The following ARSB variants were observed in gnomAD, a reference collection of about 807,000 sequenced individuals.
ARSB encodes the protein arylsulfatase B.
ARSB carries 41 observed loss-of-function variants against 50.9 expected under a neutral mutation model. That is an observed-to-expected ratio of 0.81 (90% CI 0.63 to 1.04). The LOEUF (loss-of-function observed/expected upper bound fraction) is 1.04. Among genes scored for constraint, ARSB ranks in the 50% least tolerant of loss-of-function variants. ARSB has a pLI of 0.00. For synonymous variants in ARSB, 269 were observed against 284.8 expected (o/e 0.94, Z 0.56); for missense variants, 672 against 693.3 (o/e 0.97, Z 0.35).
rs576807448 is a variant in ARSB, at chr5:78,810,892, T to C, written c.1213+28464A>G. Among the ~76,000 whole-genome samples, 8 of 152,354 alleles carry C rather than the reference T, an allele frequency of 5.3e-5. No homozygotes were observed. The East Asian group carries it at 1.2e-3, about 22-fold the overall frequency. On this transcript the variant is annotated intron_variant, in intron 6 of 7. Coordinates refer to ENST00000264914, the MANE Select transcript of ARSB (RefSeq NM_000046.5). Reference sequence around the variant, plus strand: ...AATCTTTGACATAGTGTTGTTAACATAGTTAAACTGTTTTCTACACAGAAG... The same window carrying C: ...AATCTTTGACATAGTGTTGTTAACACAGTTAAACTGTTTTCTACACAGAAG...
rs750124518 is a variant in ARSB, at chr5:78,968,988, C to T, written c.499+18G>A. On this transcript the variant is annotated intron_variant, in intron 2 of 7. Coordinates refer to ENST00000264914, the MANE Select transcript of ARSB (RefSeq NM_000046.5). ...CAGTTAGTCTAAGTTGTTAAAGAAA[C>T]ATGTGCATTTCCATTACCAAAGTAG... 1 of 1,613,700 alleles carries T rather than the reference C, an allele frequency of 6.2e-7. No homozygotes were observed. Among genetic ancestry groups the T allele is most frequent in the South Asian group, 1.1e-5 (1 of 91,070 alleles).
Position 78,858,900 on chromosome 5 carries a change from A to T in ARSB, c.1143-19474T>A, listed in dbSNP as rs147565264. ...ACTAAATCCTCACATAGGTGTCTAC[A>T]GGATAGGTTGTTATTTGTTACATTT... On this transcript the variant is annotated intron_variant, in intron 5 of 7. Transcript: ENST00000264914. Among the ~76,000 whole-genome samples the T allele has an allele frequency of 2.6e-5, 4 of 152,228 alleles. No homozygotes were observed. The South Asian group carries it at 8.3e-4, about 31-fold the overall frequency.
At chr5:78,950,509 A>C (rs917526254) in intron 4 of ARSB, among the ~76,000 whole-genome samples, 4 of 152,202 alleles carry the variant, frequency 2.6e-5, no homozygotes, top group Admixed American at 6.5e-5. Context: ...ATAGGCAGGA[A>C]AAGAGAAGGT....
At chr5:78,852,285 G>A (rs1745843472) in intron 5 of ARSB, among the ~76,000 whole-genome samples, 1 of 152,164 alleles carries the variant, frequency 6.6e-6, no homozygotes, top group Non-Finnish European at 1.5e-5. Flanking sequence ...TTGCTTGTCT[G>A]TATAGTATTT....
At chr5:78,815,848 A>C in intron 6 of ARSB, 1 of 1,355,300 alleles carries the variant, frequency 7.4e-7, no homozygotes, top group Non-Finnish European at 9.5e-7. Flanking sequence ...ATATTTTGAA[A>C]TAATATAAGA....
intron 6 of ARSB, among the ~76,000 whole-genome samples, chr5:78,804,712 G>T (rs985775422): frequency 1.3e-4 from 20 of 152,214 alleles, no homozygotes; most frequent in African/African-American, 4.1e-4. Flanking sequence ...GGATAGCCTG[G>T]TAGGGACTGG....
At chr5:78,954,777 T>C (rs917961939) in intron 4 of ARSB, among the ~76,000 whole-genome samples, 1 of 152,226 alleles carries the variant, frequency 6.6e-6, no homozygotes, top group Admixed American at 6.5e-5. Flanking sequence ...AGTGCTGGGA[T>C]TACAGGCGTG....
At chr5:78,810,082 C>T (rs1743749455) in intron 6 of ARSB, among the ~76,000 whole-genome samples, 1 of 152,340 alleles carries the variant, frequency 6.6e-6, no homozygotes, top group Non-Finnish European at 1.5e-5. Context: ...CTCTGTTCTC[C>T]TAATCTCCAT....
intron 4 of ARSB, among the ~76,000 whole-genome samples, chr5:78,925,729 T>C (rs1057204367): frequency 6.6e-6 from 1 of 152,128 alleles, no homozygotes; most frequent in Non-Finnish European, 1.5e-5. Context: ...AAATGGAAAG[T>C]AAAAGATCTA....
In ARSB at chr5:78,910,380, T is replaced by C. The variant is rs547745636; in HGVS notation, c.899-24553A>G. Among the ~76,000 whole-genome samples, 44 of 152,350 alleles carry C rather than the reference T, an allele frequency of 2.9e-4. No homozygotes were observed. The South Asian group carries it at 5.4e-3, about 19-fold the overall frequency. On this transcript the variant is annotated intron_variant, in intron 4 of 7. Coordinates refer to ENST00000264914, the MANE Select transcript of ARSB (RefSeq NM_000046.5). ...CCCCCTTCATAAAGTAAGAAGAATG[T>C]CATCTGAAGGTCCAATAAAAATAAA...
chr5:78,860,905 C>T (rs1410917663), intron 5 of ARSB, among the ~76,000 whole-genome samples: 3 of 152,066 alleles, frequency 2.0e-5, no homozygotes, highest in Non-Finnish European at 4.4e-5. Context: ...ATCAAATAGA[C>T]ACAATAAAAA....
intron 4 of ARSB, among the ~76,000 whole-genome samples, chr5:78,919,828 A>T (rs1749717671): frequency 6.6e-6 from 1 of 152,164 alleles, no homozygotes; most frequent in Non-Finnish European, 1.5e-5. Flanking sequence ...ATAGATGAAG[A>T]AGTAAAGCGT....
At position 78,833,505 on chromosome 5, in the gene ARSB, A is replaced by G. The variant is rs574850942; in HGVS notation, c.1213+5851T>C. ...AATAAAAAGTCTCCTCAAAGCACAC[A>G]GGAAAGCAATTACATCCCACACTCT... On this transcript the variant is annotated intron_variant, in intron 6 of 7. Transcript: ENST00000264914. Among the ~76,000 whole-genome samples the G allele has an allele frequency of 6.6e-5, 10 of 152,356 alleles. No homozygotes were observed. The East Asian group carries it at 1.9e-3, about 29-fold the overall frequency.
In ARSB at chr5:78,777,813, C is replaced by CT; in HGVS notation, c.*2583dup. ...GCTGCAGTGAGCCGAGATCACACCA[C>CT]TGCACTCCAGCCTGGGTGACAGAGC... On this transcript the variant is annotated 3_prime_UTR_variant, in exon 8 of 8. Transcript: ENST00000264914. The CT allele has an allele frequency of 7.0e-6, 1 of 142,776 alleles. No individual in the cohort carries two copies. The highest frequency in any genetic ancestry group is 2.1e-4 in the East Asian group (1 of 4,874). 8.8% of individuals were successfully genotyped at this position (142,776 alleles called of 1,614,324 possible).
At chr5:78,852,522 A>G (rs1469424965) in intron 5 of ARSB, among the ~76,000 whole-genome samples, 1 of 152,040 alleles carries the variant, frequency 6.6e-6, no homozygotes, top group African/African-American at 2.4e-5. Context: ...GATGAATCTG[A>G]CAATTATGTG....
chr5:78,871,261 A>G (rs1014952435), intron 5 of ARSB, among the ~76,000 whole-genome samples: 3 of 152,170 alleles, frequency 2.0e-5, no homozygotes, highest in African/African-American at 7.2e-5. Flanking sequence ...TACAGGTTCA[A>G]TGCCAACCCC....
chr5:78,857,400 T>C (rs1360012640), intron 5 of ARSB, among the ~76,000 whole-genome samples: 1 of 152,234 alleles, frequency 6.6e-6, no homozygotes, highest in Non-Finnish European at 1.5e-5. Context: ...TTTTGGTAGA[T>C]GCTATAGTTT....
At chr5:78,951,812 G>A (rs545900711) in intron 4 of ARSB, among the ~76,000 whole-genome samples, 43 of 152,222 alleles carry the variant, frequency 2.8e-4, no homozygotes, top group African/African-American at 1.0e-3. Flanking sequence ...TAAACAGAAA[G>A]ATCTTTCCAA....
chr5:78,847,421 C>G (rs1241814698), intron 5 of ARSB, among the ~76,000 whole-genome samples: 2 of 152,168 alleles, frequency 1.3e-5, no homozygotes, highest in Non-Finnish European at 2.9e-5. Context: ...GACACCACAC[C>G]TGGCTGTGAA....
Sources: gnomAD v4.1 joint callset for allele counts (sites outside exome capture counted in the v4.1 genomes callset) on GRCh38, gnomAD v4.1.1 for gene constraint, MANE v1.5 for transcripts, NCBI Gene and HGNC (gene_info 2026-07-23, HGNC 2026-07-21) for gene names.